GRB10: variants seen among roughly 807,000 people sequenced by gnomAD.
GRB10 encodes growth factor receptor-bound protein 10.
A neutral mutation model predicts 80.9 loss-of-function variants in GRB10; 20 were observed. That is an observed-to-expected ratio of 0.25 (90% CI 0.17 to 0.36). The LOEUF (loss-of-function observed/expected upper bound fraction) is 0.36. Ranked by LOEUF, GRB10 falls within the 10% of genes least tolerant of loss-of-function variation. The pLI is 1.00. For missense variants in GRB10, 548 were observed against 747.7 expected (o/e 0.73, Z 3.12); for synonymous variants, 291 against 291.5 (o/e 1.00, Z 0.02).
chr7:50,704,027 T>TACTTACTTTTTTTTTCC, intron 4 of GRB10, 119 bp from the exon 5 acceptor site: 1 of 694,586 alleles, frequency 1.4e-6, no homozygotes, highest in Non-Finnish European at 2.6e-6. Context: ...CCTTTCCACT[T>TACTTACTTTTTTTTTCC]ACTTACTTTT....
chr7:50,627,250 C>T (rs547716882), intron 7 of GRB10, among the ~76,000 whole-genome samples: 44 of 152,240 alleles, frequency 2.9e-4, no homozygotes, highest in Non-Finnish European at 4.4e-4. Flanking sequence ...ATACAGCACA[C>T]GGCTAAACCA....
chr7:50,619,686 C>T (rs545062706), intron 8 of GRB10, among the ~76,000 whole-genome samples: 38 of 152,144 alleles, frequency 2.5e-4, no homozygotes, highest in African/African-American at 8.9e-4. Flanking sequence ...GGGGGATGAC[C>T]AAGAAGGTGC....
In GRB10 at chr7:50,736,912, C is replaced by T. The variant is rs531287146; in HGVS notation, c.-46-4544G>A. Reference sequence around the variant, plus strand: ...ACTCAAAATGTATGAAAGACCTAAACGTAAGAGCTAAAACTATAAAACTCT... The same window carrying T: ...ACTCAAAATGTATGAAAGACCTAAATGTAAGAGCTAAAACTATAAAACTCT... On this transcript the variant is annotated intron_variant, in intron 3 of 18. Transcript: ENST00000401949. Among the ~76,000 whole-genome samples the T allele has an allele frequency of 6.6e-5, 10 of 152,232 alleles. No individual in the cohort carries two copies. In the South Asian group the frequency reaches 8.3e-4, roughly 13 times the overall value.
intron 3 of GRB10, among the ~76,000 whole-genome samples, chr7:50,747,907 T>C (rs187106094): frequency 1.1e-3 from 161 of 151,938 alleles, no homozygotes; most frequent in South Asian, 1.5e-3. Context: ...TGTGTGCAGA[T>C]AGGAAATTCT....
rs1232884339 is a variant in GRB10, at chr7:50,788,099, T to C, written c.-294+5125A>G. Reference sequence around the variant, plus strand: ...ACAAACTTCTGAATTTAAAAGTTACTCAATTCATGGTAGCTTCTCAAAGCA... The same window carrying C: ...ACAAACTTCTGAATTTAAAAGTTACCCAATTCATGGTAGCTTCTCAAAGCA... On this transcript the variant is annotated intron_variant, in intron 1 of 16. Coordinates refer to the GRB10 transcript ENST00000335866. Among the ~76,000 whole-genome samples the C allele has an allele frequency of 2.6e-5, 4 of 152,248 alleles. No homozygotes were observed. In the East Asian group the frequency reaches 5.8e-4, roughly 22 times the overall value.
chr7:50,666,975 G>A (rs184962101), intron 7 of GRB10, among the ~76,000 whole-genome samples: 2 of 146,802 alleles, frequency 1.4e-5, no homozygotes, highest in Non-Finnish European at 3.0e-5. Context: ...AGGAGGCAGA[G>A]CTTGCAGTGA....
At chr7:50,770,833 C>A (rs955086003) in intron 2 of GRB10, among the ~76,000 whole-genome samples, 2 of 151,998 alleles carry the variant, frequency 1.3e-5, no homozygotes, top group African/African-American at 4.8e-5. Flanking sequence ...GGTGAATATT[C>A]TTTTTACATG....
At chr7:50,793,043 G>A (rs1346959668) in intron 1 of GRB10, 4 of 143,032 alleles carry the variant, frequency 2.8e-5, no homozygotes, top group Admixed American at 6.9e-5. Flanking sequence ...GGGCGCCGGA[G>A]CCCCCGGCCC....
intron 5 of GRB10, among the ~76,000 whole-genome samples, chr7:50,701,147 T>C (rs556404507): frequency 2.0e-5 from 3 of 152,356 alleles, no homozygotes; most frequent in South Asian, 4.1e-4. Context: ...TTGGGAACTA[T>C]AGATTATATG....
chr7:50,606,382 G>A lies in GRB10; in HGVS notation c.1227C>T (p.Ile409=). The A allele has an allele frequency of 6.2e-7, 1 of 1,614,126 alleles. No homozygotes were observed. Among genetic ancestry groups the A allele is most frequent in the South Asian group, 1.1e-5 (1 of 91,082 alleles). Residue 409 remains isoleucine (I), a synonymous_variant, in exon 14 of 19, where the codon ATC becomes ATT. Transcript: ENST00000401949. ...ACAGCAAGGCCTTCCTCTGCTGAGG[G>A]ATTCGGTAATTCTGGTAAAGGAGCA... The part of the protein sequence containing the change: ...YGMLLYQNYR[I]PQQRKALLSP...
chr7:50,685,068 G>A (rs1056813199), intron 5 of GRB10, among the ~76,000 whole-genome samples: 1 of 152,130 alleles, frequency 6.6e-6, no homozygotes. Context: ...ATTAGACACC[G>A]GGGAATCTTT....
At chr7:50,682,699 G>A (rs1396287443) in intron 5 of GRB10, among the ~76,000 whole-genome samples, 1 of 152,154 alleles carries the variant, frequency 6.6e-6, no homozygotes, top group Non-Finnish European at 1.5e-5. Flanking sequence ...TTACACTTTG[G>A]AAAATATATT....
At chr7:50,779,412 C>T (rs1278469818) in intron 2 of GRB10, 5 of 152,218 alleles carry the variant, frequency 3.3e-5, no homozygotes, top group African/African-American at 9.6e-5. Flanking sequence ...TGTATCAGAA[C>T]TGAAACGTGC....
At chr7:50,760,153 C>G (rs531829908) in intron 2 of GRB10, among the ~76,000 whole-genome samples, 1 of 152,270 alleles carries the variant, frequency 6.6e-6, no homozygotes, top group South Asian at 2.1e-4. Context: ...CTGAAAGAGG[C>G]AGCACACAGC....
At chr7:50,777,920 G>A (rs2077868613) in intron 2 of GRB10, among the ~76,000 whole-genome samples, 1 of 152,132 alleles carries the variant, frequency 6.6e-6, no homozygotes, top group Non-Finnish European at 1.5e-5. Context: ...TGTCAGGGAG[G>A]GGAGAGGGAC....
chr7:50,629,497 C>T (rs917150480), intron 7 of GRB10, among the ~76,000 whole-genome samples: 2 of 152,150 alleles, frequency 1.3e-5, no homozygotes, highest in Admixed American at 6.5e-5. Flanking sequence ...CTTCCAGCTC[C>T]AGCGACAGGC....
intron 7 of GRB10, among the ~76,000 whole-genome samples, chr7:50,637,436 C>CCACACA (rs137998418): frequency 1.3e-5 from 2 of 150,942 alleles, no homozygotes; most frequent in Admixed American, 6.6e-5. Flanking sequence ...TTTAAAATGG[C>CCACACA]CACACACACA....
intron 5 of GRB10, among the ~76,000 whole-genome samples, chr7:50,682,433 T>G (rs917405405): frequency 6.6e-6 from 1 of 152,214 alleles, no homozygotes; most frequent in Non-Finnish European, 1.5e-5. Context: ...AGCCATGATA[T>G]CTGCTATTTG....
At chr7:50,677,596 G>C (rs115738325) in intron 5 of GRB10, among the ~76,000 whole-genome samples, 12 of 152,330 alleles carry the variant, frequency 7.9e-5, no homozygotes, top group African/African-American at 2.9e-4. Context: ...GAAAGTTCTA[G>C]AACGTATGCA....
Sources: allele counts gnomAD v4.1 joint callset (sites outside exome capture counted in the v4.1 genomes callset), GRCh38; gene constraint gnomAD v4.1.1; transcripts MANE v1.5; gene names NCBI Gene and HGNC (gene_info 2026-07-23, HGNC 2026-07-21).